Variants in GARRE1 observed in about 807,000 individuals in gnomAD.
GARRE1 encodes granule associated Rac and RHOG effector 1.
Under a neutral mutation model 103.2 loss-of-function variants are expected in GARRE1, and 49 were observed. The ratio of observed to expected loss-of-function variants is 0.47; its 90% CI spans 0.38 to 0.60. The LOEUF is 0.60. Ranked by LOEUF, GARRE1 falls within the 20% of genes least tolerant of loss-of-function variation. The pLI, the probability that GARRE1 is intolerant of heterozygous loss-of-function variation, is 0.00. For missense variants in GARRE1, 1,199 were observed against 1,370.5 expected, an observed-to-expected ratio of 0.87 and a Z score of 1.98; for synonymous variants, 505 against 532.8, an observed-to-expected ratio of 0.95 and a Z score of 0.72.
intron 12 of GARRE1, among the ~76,000 whole-genome samples, chr19:34,349,937 T>C (rs954668101): frequency 2.6e-5 from 4 of 152,134 alleles, no homozygotes; most frequent in African/African-American, 9.7e-5. Flanking sequence ...TCCACACTTG[T>C]AGTCCCAGCT....
chr19:34,333,818 T>C lies in GARRE1; in HGVS notation c.1361+17T>C. 1.4e-6 allele frequency: 2 copies of C among 1,435,696 alleles called. No homozygotes were observed. Among genetic ancestry groups the C allele is most frequent in the Non-Finnish European group, 2.0e-6 (2 of 1,018,080 alleles). The allele number at this position is 1,435,696 out of a possible 1,614,324, so 88.9% of individuals were successfully genotyped here. The stretch of plus-strand genomic sequence containing the variant: ...ATCCACATGGTAACGTGCCTCTTAC[T>C]TTCACCGGAGCCTAAGCTCTGACTG... On this transcript the variant is annotated intron_variant, in intron 8 of 13. Coordinates refer to ENST00000299505, the MANE Select transcript of GARRE1 (RefSeq NM_014686.5).
chr19:34,264,460 A>G (rs2073739198), intron 1 of GARRE1, among the ~76,000 whole-genome samples: 1 of 151,812 alleles, frequency 6.6e-6, no homozygotes, highest in African/African-American at 2.4e-5. Context: ...ATGCAGTGGC[A>G]TGATCTCAGC....
rs1022121027 is a variant in GARRE1, at chr19:34,354,625, T to G, written c.*1670T>G. The G allele has an allele frequency of 4.6e-5, 7 of 152,142 alleles. No individual in the cohort carries two copies. The highest frequency in any genetic ancestry group is 4.6e-4 in the Admixed American group (7 of 15,248). The allele number at this position is 152,142 out of a possible 1,614,324, so 9.4% of individuals were successfully genotyped here. ...AGGCGGAGGTTACAGTGAGCTGAGA[T>G]TGTGCCACTGCACTCCAGCCTGGGT... On this transcript the variant is annotated 3_prime_UTR_variant, in exon 14 of 14. Transcript: ENST00000299505.
At position 34,285,707 on chromosome 19, in the gene GARRE1, A is replaced by G. The variant is rs576603312; in HGVS notation, c.-795-13972A>G. Among the ~76,000 whole-genome samples the G allele has an allele frequency of 3.3e-5, 5 of 152,102 alleles. No homozygotes were observed. In the East Asian group the frequency reaches 9.7e-4, roughly 29 times the overall value. On this transcript the variant is annotated intron_variant, in intron 1 of 13. Coordinates refer to ENST00000299505, the MANE Select transcript of GARRE1 (RefSeq NM_014686.5). ...TTTTGTTTGTTTCATCGTGTTAGCT[A>G]GGATGGTCTCGATCTCTTGACCTCG...
intron 1 of GARRE1, among the ~76,000 whole-genome samples, chr19:34,289,969 T>G (rs907909192): frequency 6.6e-6 from 1 of 152,216 alleles, no homozygotes; most frequent in Admixed American, 6.5e-5. Context: ...CATTCACAGA[T>G]GCTGGATGGC....
At position 34,342,076 on chromosome 19, in the gene GARRE1, G is replaced by T. The variant is rs758968185; in HGVS notation, c.2142G>T (p.Gln714His). Residue 714 changes from glutamine to histidine, a missense_variant, in exon 10 of 14, where the codon CAG becomes CAT. Transcript: ENST00000299505. ...GGGCACACACACCTCTGACACCCCA[G>T]CCGGGACTGGCACCTCAGCAGCAGT... ...QAGAHTPLTPQPGLAPQQQSP... is the reference protein window; with the variant it reads ...QAGAHTPLTPHPGLAPQQQSP... 1.2e-6 allele frequency: 2 copies of T among 1,614,122 alleles called. No individual in the cohort carries two copies. The highest frequency in any genetic ancestry group is 1.1e-5 in the South Asian group (1 of 91,082).
intron 8 of GARRE1, among the ~76,000 whole-genome samples, chr19:34,338,756 G>A (rs1015743157): frequency 1.3e-4 from 20 of 152,216 alleles, no homozygotes; most frequent in African/African-American, 4.8e-4. Flanking sequence ...AGAGGGCTTT[G>A]AGGGCTGTGG....
At chr19:34,294,151 G>A (rs566259186) in intron 1 of GARRE1, among the ~76,000 whole-genome samples, 2 of 152,128 alleles carry the variant, frequency 1.3e-5, no homozygotes, top group African/African-American at 2.4e-5. Flanking sequence ...TGAGCATGGT[G>A]GCTCACACCT....
At chr19:34,343,807 A>G (rs2074198047) in intron 10 of GARRE1, among the ~76,000 whole-genome samples, 1 of 152,220 alleles carries the variant, frequency 6.6e-6, no homozygotes, top group African/African-American at 2.4e-5. Flanking sequence ...TGATCACACC[A>G]CAGCAGCCCA....
chr19:34,262,695 A>G (rs1386835224), intron 1 of GARRE1, among the ~76,000 whole-genome samples: 1 of 152,164 alleles, frequency 6.6e-6, no homozygotes. Context: ...GATGAAGTCC[A>G]AGCACACTAA....
At chr19:34,333,921 G>C (rs1466880327) in intron 8 of GARRE1, 120 bp downstream of exon 8, 18 of 726,834 alleles carry the variant, frequency 2.5e-5, no homozygotes, top group Non-Finnish European at 4.0e-5. Context: ...CTTGCTGCAT[G>C]TGCAGGTTTA....
chr19:34,330,178 T>C lies in GARRE1; in HGVS notation c.1105-11T>C, dbSNP rs995454404. 13 of 1,611,598 alleles carry C rather than the reference T, an allele frequency of 8.1e-6. No homozygotes were observed. Among genetic ancestry groups the C allele is most frequent in the East Asian group, 2.2e-5 (1 of 44,860 alleles). On this transcript the variant is annotated splice_polypyrimidine_tract_variant and intron_variant, in intron 6 of 13. Transcript: ENST00000299505. ...TCTTGAGGTGTGAACTCTCTTCTTA[T>C]CAATCTATAGCATACAATGTTACAG... is the stretch of plus-strand genomic sequence containing the variant.
intron 2 of GARRE1, among the ~76,000 whole-genome samples, chr19:34,305,557 C>G (rs1026743755): frequency 6.6e-6 from 1 of 152,150 alleles, no homozygotes; most frequent in East Asian, 1.9e-4. Context: ...GACATGCTTG[C>G]AGGTATTGGA....
chr19:34,316,146 A>T (rs1438560535), intron 2 of GARRE1, among the ~76,000 whole-genome samples: 1 of 152,158 alleles, frequency 6.6e-6, no homozygotes, highest in Non-Finnish European at 1.5e-5. Flanking sequence ...AAGTTTCTTT[A>T]TCTCTGTAAA....
intron 1 of GARRE1, among the ~76,000 whole-genome samples, chr19:34,263,462 A>G (rs986636032): frequency 1.3e-5 from 2 of 150,618 alleles, no homozygotes; most frequent in African/African-American, 2.4e-5. Flanking sequence ...TTCCCTGTGT[A>G]TATGTATTTT....
At chr19:34,263,437 A>G (rs1054133302) in intron 1 of GARRE1, among the ~76,000 whole-genome samples, 2 of 150,910 alleles carry the variant, frequency 1.3e-5, no homozygotes, top group Non-Finnish European at 3.0e-5. Flanking sequence ...ACCATTTTGT[A>G]TGGTGTGAAT....
chr19:34,327,016 G>T (rs1191943084), intron 3 of GARRE1, among the ~76,000 whole-genome samples: 1 of 151,804 alleles, frequency 6.6e-6, no homozygotes, highest in Non-Finnish European at 1.5e-5. Context: ...TCAACCAGGC[G>T]CAGTGGTGGG....
At chr19:34,340,437 C>CA in intron 9 of GARRE1, among the ~76,000 whole-genome samples, 1 of 48,366 alleles carries the variant, frequency 2.1e-5, no homozygotes, top group Non-Finnish European at 5.5e-5. Flanking sequence ...GCCCCTCTCC[C>CA]TTTTTCTTTT....
chr19:34,328,690 C>T (rs111994301), intron 6 of GARRE1, among the ~76,000 whole-genome samples: 1 of 152,046 alleles, frequency 6.6e-6, no homozygotes, highest in African/African-American at 2.4e-5. Context: ...TCACTGCAAC[C>T]TTCACCTCCT....
Sources: allele counts gnomAD v4.1 joint callset (sites outside exome capture counted in the v4.1 genomes callset), GRCh38; gene constraint gnomAD v4.1.1; transcripts MANE v1.5; gene names NCBI Gene and HGNC (gene_info 2026-07-23, HGNC 2026-07-21).